CHRNA7: variants seen among roughly 807,000 people sequenced by gnomAD.
The protein encoded by CHRNA7 is neuronal acetylcholine receptor subunit alpha-7.
Under a neutral mutation model 48.0 loss-of-function variants are expected in CHRNA7, and 17 were observed. The ratio of observed to expected loss-of-function variants is 0.35; its 90% CI spans 0.24 to 0.53. CHRNA7 has a LOEUF of 0.53. Among genes scored for constraint, CHRNA7 ranks in the 20% least tolerant of loss-of-function variants. CHRNA7 has a pLI of 0.92. For missense variants in CHRNA7, 155 were observed against 577.7 expected (o/e 0.27, Z 7.50); for synonymous variants, 75 against 242.3 (o/e 0.31, Z 6.41).
At chr15:32,144,895 C>T (rs983850001) in intron 4 of CHRNA7, among the ~76,000 whole-genome samples, 3 of 151,978 alleles carry the variant, frequency 2.0e-5, no homozygotes, top group African/African-American at 4.8e-5. Context: ...TTCTTATTGC[C>T]GACCTTCTGA....
chr15:32,156,290 T>C (rs2051737401), intron 5 of CHRNA7: 1 of 94,978 alleles, frequency 1.1e-5, no homozygotes, highest in Admixed American at 1.1e-4. Context: ...CAACTATTAA[T>C]GGAGGGGGAT....
chr15:32,082,251 C>T (rs1349138153), intron 2 of CHRNA7, among the ~76,000 whole-genome samples: 1 of 151,998 alleles, frequency 6.6e-6, no homozygotes, highest in Non-Finnish European at 1.5e-5. Flanking sequence ...TGTCTTTTAT[C>T]AAATTTGTGA....
At chr15:32,152,401 C>T (rs1031696439) in intron 4 of CHRNA7, among the ~76,000 whole-genome samples, 2 of 152,172 alleles carry the variant, frequency 1.3e-5, no homozygotes, top group African/African-American at 4.8e-5. Flanking sequence ...CGAGATCGTG[C>T]CCCTGCACTC....
intron 4 of CHRNA7, among the ~76,000 whole-genome samples, chr15:32,146,030 C>G (rs1595499757): frequency 6.6e-6 from 1 of 152,340 alleles, no homozygotes; most frequent in Non-Finnish European, 1.5e-5. Flanking sequence ...CAGAGCTGTT[C>G]TTATTCGGCC....
At chr15:32,137,238 T>C (rs935805989) in intron 4 of CHRNA7, among the ~76,000 whole-genome samples, 5 of 151,832 alleles carry the variant, frequency 3.3e-5, no homozygotes, top group Non-Finnish European at 7.4e-5. Context: ...ATAGACTGTT[T>C]AGATGAAACT....
intron 2 of CHRNA7, among the ~76,000 whole-genome samples, chr15:32,051,111 TGAG>T (rs530576213): frequency 2.8e-4 from 42 of 151,526 alleles, no homozygotes; most frequent in Admixed American, 1.1e-3. Context: ...GGGACCCACT[TGAG>T]GAGGCAGTCT....
chr15:32,144,954 C>G (rs1021566250), intron 4 of CHRNA7, among the ~76,000 whole-genome samples: 1 of 152,160 alleles, frequency 6.6e-6, no homozygotes. Context: ...CAGTTTTGTT[C>G]CATTGCTGGC....
intron 4 of CHRNA7, among the ~76,000 whole-genome samples, chr15:32,125,353 A>G (rs1425216395): frequency 6.6e-6 from 1 of 152,172 alleles, no homozygotes. Context: ...TCACCAAAGC[A>G]CCTGAAAGAG....
chr15:32,081,623 T>C (rs559847221), intron 2 of CHRNA7, among the ~76,000 whole-genome samples: 19 of 152,300 alleles, frequency 1.2e-4, no homozygotes, highest in African/African-American at 4.6e-4. Context: ...TTTTACCAGT[T>C]TGCATGCAGC....
chr15:32,138,772 G>GTTTC (rs2051322105), intron 4 of CHRNA7, among the ~76,000 whole-genome samples: 1 of 49,402 alleles, frequency 2.0e-5, no homozygotes, highest in Non-Finnish European at 4.0e-5. Flanking sequence ...TGTTTTGTTT[G>GTTTC]AGATGGTGTA....
intron 4 of CHRNA7, among the ~76,000 whole-genome samples, chr15:32,144,359 A>C (rs913854366): frequency 6.6e-6 from 1 of 151,822 alleles, no homozygotes; most frequent in Non-Finnish European, 1.5e-5. Context: ...TTTTCCCTTC[A>C]TTTCAACCTT....
At chr15:32,049,908 C>T (rs1227166305) in intron 2 of CHRNA7, among the ~76,000 whole-genome samples, 3 of 152,114 alleles carry the variant, frequency 2.0e-5, no homozygotes, top group African/African-American at 7.2e-5. Flanking sequence ...ACTTATGAAG[C>T]TTAGTTTGGC....
At chr15:32,090,747 T>C (rs1178602641) in intron 2 of CHRNA7, among the ~76,000 whole-genome samples, 2 of 152,202 alleles carry the variant, frequency 1.3e-5, no homozygotes, top group Non-Finnish European at 1.5e-5. Context: ...AATTAGTCTT[T>C]GATTTATACT....
At chr15:32,086,096 A>G (rs1184972774) in intron 2 of CHRNA7, among the ~76,000 whole-genome samples, 1 of 152,092 alleles carries the variant, frequency 6.6e-6, no homozygotes, top group Non-Finnish European at 1.5e-5. Context: ...TTGGCCAGGC[A>G]CGGTGGCTCA....
intron 3 of CHRNA7, among the ~76,000 whole-genome samples, chr15:32,109,789 C>T (rs996985827): frequency 3.3e-5 from 5 of 152,174 alleles, no homozygotes; most frequent in African/African-American, 1.2e-4. Context: ...TCTGGACATA[C>T]ACAGGACACT....
upstream of CHRNA7, chr15:32,030,494 G>A (rs2141152267): frequency 8.2e-7 from 1 of 1,221,722 alleles, no homozygotes; most frequent in Non-Finnish European, 1.0e-6. Context: ...CCTTAAAGGC[G>A]CGCGAGCCGA....
chr15:32,150,951 G>C (rs530041366), intron 4 of CHRNA7, among the ~76,000 whole-genome samples: 2 of 152,126 alleles, frequency 1.3e-5, no homozygotes, highest in Non-Finnish European at 1.5e-5. Context: ...AAGTAAGGGG[G>C]GGGGATGTGT....
intron 4 of CHRNA7, among the ~76,000 whole-genome samples, chr15:32,114,063 T>TATATATATATACAC (rs2050820587): frequency 4.4e-5 from 5 of 113,876 alleles, no homozygotes; most frequent in African/African-American, 9.3e-5. Context: ...TATATATACA[T>TATATATATATACAC]ATATATATAT....
At chr15:32,113,413 A>G (rs1265506876) in intron 4 of CHRNA7, among the ~76,000 whole-genome samples, 2 of 152,206 alleles carry the variant, frequency 1.3e-5, no homozygotes, top group African/African-American at 4.8e-5. Flanking sequence ...TAGGATTTCA[A>G]CATGTGAGTT....
Sources: gnomAD v4.1 joint callset for allele counts (sites outside exome capture counted in the v4.1 genomes callset) on GRCh38, gnomAD v4.1.1 for gene constraint, MANE v1.5 for transcripts, NCBI Gene and HGNC (gene_info 2026-07-23, HGNC 2026-07-21) for gene names.